Variants in AHCTF1 observed in about 807,000 individuals in gnomAD.
The protein encoded by AHCTF1 is protein ELYS.
A neutral mutation model predicts 248.4 loss-of-function variants in AHCTF1; 24 were observed. The ratio of observed to expected loss-of-function variants is 0.10; its 90% CI spans 0.07 to 0.14. AHCTF1 has a LOEUF of 0.14. Ranked by LOEUF, AHCTF1 falls within the 10% of genes least tolerant of loss-of-function variation. The pLI, the probability that AHCTF1 is intolerant of heterozygous loss-of-function variation, is 1.00. For synonymous variants in AHCTF1, 786 were observed against 929.8 expected (o/e 0.85, Z 2.81); for missense variants, 2,206 against 2,636.2 (o/e 0.84, Z 3.57).
intron 12 of AHCTF1, among the ~76,000 whole-genome samples, chr1:246,897,061 C>A (rs1007135707): frequency 2.0e-5 from 3 of 152,206 alleles, no homozygotes; most frequent in African/African-American, 7.2e-5. Context: ...CACCTGTAAT[C>A]CCAGCACTTT....
intron 4 of AHCTF1, among the ~76,000 whole-genome samples, chr1:246,911,298 C>A (rs959346114): frequency 1.3e-5 from 2 of 152,152 alleles, no homozygotes; most frequent in African/African-American, 4.8e-5. Flanking sequence ...ATCAAGCCTA[C>A]TTCTTTGATT....
intron 24 of AHCTF1, among the ~76,000 whole-genome samples, chr1:246,871,856 G>A (rs2103094347): frequency 6.6e-6 from 1 of 152,086 alleles, no homozygotes; most frequent in Non-Finnish European, 1.5e-5. Flanking sequence ...ATAAAAATTT[G>A]AGGTTATTAA....
chr1:246,900,184 C>A lies in AHCTF1; in HGVS notation c.1313G>T (p.Ser438Ile), dbSNP rs1664895455. 1.9e-6 allele frequency: 3 copies of A among 1,609,228 alleles called. No individual in the cohort carries two copies. In the African/African-American group the frequency reaches 4.0e-5, roughly 22 times the overall value. ...FALWSLESVVSRTSPHGILDI... is the reference protein window; with the variant it reads ...FALWSLESVVIRTSPHGILDI... ...CAAGATGCCATGTGGAGAAGTCCTA[C>A]TTACAACAGACTCCAATGACCACAG... Residue 438 changes from serine to isoleucine, a missense_variant, in exon 10 of 36, where the codon AGT (serine) becomes ATT (isoleucine). Around this residue, in one of 6 missense-constraint regions of AHCTF1, gnomAD observed 650 missense variants for 870.8 expected, o/e 0.75. Transcript: ENST00000648844.
chr1:246,842,713 T>C lies in AHCTF1; in HGVS notation c.6589A>G (p.Lys2197Glu). ...KPKAKRIRTS[K>E]TKQASKNTEK... ...TCATACTTGCTTGCTTGTTTTGTTT[T>C]TGACGTCCTGATTCGTTTCGCTTTT... Residue 2197 changes from lysine to glutamate, a missense_variant, in exon 35 of 36, where the codon AAA becomes GAA. Transcript: ENST00000648844. The C allele has an allele frequency of 1.9e-6, 3 of 1,613,630 alleles. No individual in the cohort carries two copies. The highest frequency in any genetic ancestry group is 2.5e-6 in the Non-Finnish European group (3 of 1,180,020).
chr1:246,880,226 A>T (rs911294809), intron 21 of AHCTF1, among the ~76,000 whole-genome samples: 3 of 145,372 alleles, frequency 2.1e-5, no homozygotes, highest in Non-Finnish European at 3.0e-5. Flanking sequence ...GTTATTTGTT[A>T]TATATATATA....
chr1:246,873,428 C>T (rs1347816252), intron 24 of AHCTF1, among the ~76,000 whole-genome samples: 1 of 152,138 alleles, frequency 6.6e-6, no homozygotes, highest in Non-Finnish European at 1.5e-5. Flanking sequence ...AGAGACAATA[C>T]ACTAGTCAAT....
chr1:246,848,874 ATTTTG>A (rs1660484823), intron 33 of AHCTF1, among the ~76,000 whole-genome samples: 1 of 145,156 alleles, frequency 6.9e-6, no homozygotes, highest in Non-Finnish European at 1.5e-5. Flanking sequence ...AACCCCCTAC[ATTTTG>A]TTTACCTAAC....
At chr1:246,920,622 T>A (rs1043730978) in intron 1 of AHCTF1, among the ~76,000 whole-genome samples, 4 of 150,538 alleles carry the variant, frequency 2.7e-5, no homozygotes, top group Admixed American at 1.3e-4. Flanking sequence ...TACAAAAAAT[T>A]AGCCGAGCGT....
intron 19 of AHCTF1, 44 bp from the exon 20 acceptor site, chr1:246,887,401 ACCT>A (rs1288237871): frequency 6.4e-7 from 1 of 1,552,318 alleles, no homozygotes; most frequent in Non-Finnish European, 8.8e-7. Flanking sequence ...AACAACAAAA[ACCT>A]CCTACGTATA....
chr1:246,869,071 C>G (rs574031205), intron 24 of AHCTF1, among the ~76,000 whole-genome samples: 1 of 151,516 alleles, frequency 6.6e-6, no homozygotes, highest in Non-Finnish European at 1.5e-5. Context: ...GTCTCGATCT[C>G]CTGACCTCGT....
At chr1:246,920,158 A>AAAG (rs1558280463) in intron 1 of AHCTF1, among the ~76,000 whole-genome samples, 1 of 150,108 alleles carries the variant, frequency 6.7e-6, no homozygotes, top group East Asian at 1.9e-4. Context: ...AAAAAAAAAA[A>AAAG]AAAAAAAAAA....
chr1:246,871,298 G>A (rs1358392436), intron 24 of AHCTF1, among the ~76,000 whole-genome samples: 6 of 152,166 alleles, frequency 3.9e-5, no homozygotes, highest in East Asian at 1.9e-4. Context: ...GACACCACTC[G>A]CTTACTGATG....
At chr1:246,891,746 T>A (rs1252729564) in intron 15 of AHCTF1, 33 bp downstream of exon 15, 2 of 1,598,684 alleles carry the variant, frequency 1.3e-6, no homozygotes, top group African/African-American at 2.7e-5. Flanking sequence ...TAAAATTTAA[T>A]AAAACACTCA....
At chr1:246,877,359 A>C in intron 21 of AHCTF1, 57 bp from the exon 22 acceptor site, 1 of 1,476,214 alleles carries the variant, frequency 6.8e-7, no homozygotes, top group Middle Eastern at 1.9e-4. Context: ...AATGTACAAA[A>C]CAAGAAATCT....
Position 246,895,609 on chromosome 1 carries a change from C to T in AHCTF1, c.1714+226G>A, listed in dbSNP as rs541083912. On this transcript the variant is annotated intron_variant, in intron 13 of 35. Transcript: ENST00000648844. Reference sequence around the variant, plus strand: ...AGAAAGAAGGTAGGTATGGCTGTAACGGCAGCATGAGGGATCCTGGTGGTG... The same window carrying T: ...AGAAAGAAGGTAGGTATGGCTGTAATGGCAGCATGAGGGATCCTGGTGGTG... 7.2e-5 allele frequency among the ~76,000 whole-genome samples: 11 copies of T among 152,180 alleles called. 1 individual carries two copies. The South Asian group carries it at 2.3e-3, about 32-fold the overall frequency.
rs773359616 is a variant in AHCTF1, at chr1:246,894,730, G to T, written c.1733C>A (p.Thr578Asn). The T allele has an allele frequency of 6.2e-7, 1 of 1,613,764 alleles. No homozygotes were observed. Among genetic ancestry groups the T allele is most frequent in the African/African-American group, 1.3e-5 (1 of 74,996 alleles). The change falls in exon 14 of 36, where the codon ACT becomes AAT. Residue 578 changes from threonine (T) to asparagine (N), a missense_variant. Physicochemically the swap from Thr to Asn is moderately conservative, Grantham distance 65. Coordinates refer to ENST00000648844, the MANE Select transcript of AHCTF1 (RefSeq NM_001323342.2). ...CCATTCAAGAACAAAGCGCAAATTAGTGGCAGAATTTGGTTGTTCTTATTT... is the reference window on the plus strand; with the variant it reads ...CCATTCAAGAACAAAGCGCAAATTATTGGCAGAATTTGGTTGTTCTTATTT... ...WITEEQPNSA[T>N]NLRFVLEWTW... is the part of the protein sequence containing the mutation.
intron 13 of AHCTF1, 137 bp from the exon 14 acceptor site, chr1:246,894,885 TGGAC>T: frequency 1.4e-6 from 1 of 704,034 alleles, no homozygotes; most frequent in Non-Finnish European, 2.5e-6. Context: ...CTTGGGAAAA[TGGAC>T]TTTCTCAGTG....
intron 35 of AHCTF1, among the ~76,000 whole-genome samples, chr1:246,841,759 C>G (rs1012093763): frequency 2.0e-5 from 3 of 152,162 alleles, no homozygotes; most frequent in African/African-American, 7.2e-5. Flanking sequence ...TAAACTGCCC[C>G]CACCCTACCA....
chr1:246,885,881 G>C (rs1342898004), intron 20 of AHCTF1, among the ~76,000 whole-genome samples: 1 of 152,160 alleles, frequency 6.6e-6, no homozygotes, highest in Non-Finnish European at 1.5e-5. Context: ...ACTAAGTGCA[G>C]ATAGAAAACA....
Sources: gnomAD v4.1 joint callset for allele counts (sites outside exome capture counted in the v4.1 genomes callset) on GRCh38, gnomAD v4.1.1 for gene constraint, gnomAD v4.1.1 regional missense constraint, MANE v1.5 for transcripts, NCBI Gene and HGNC (gene_info 2026-07-23, HGNC 2026-07-21) for gene names.